TRHDE: variants seen among roughly 807,000 people sequenced by gnomAD.
TRHDE encodes the protein thyrotropin releasing hormone degrading enzyme.
Under a neutral mutation model 125.7 loss-of-function variants are expected in TRHDE, and 72 were observed. The ratio of observed to expected loss-of-function variants is 0.57; its 90% CI spans 0.47 to 0.70. The LOEUF (loss-of-function observed/expected upper bound fraction) is 0.70. Among genes scored for constraint, TRHDE ranks in the 30% least tolerant of loss-of-function variants. The pLI is 0.00. For missense variants in TRHDE, 1,110 were observed against 1,327.1 expected, an observed-to-expected ratio of 0.84 and a Z score of 2.54; for synonymous variants, 509 against 509.1, an observed-to-expected ratio of 1.00 and a Z score of 0.00.
Position 72,152,835 on chromosome 12 carries a change from A to G in TRHDE, n.279+47083A>G, listed in dbSNP as rs530106681. 6.8e-4 allele frequency among the ~76,000 whole-genome samples: 104 copies of G among 152,284 alleles called. 1 individual carries two copies. In the East Asian group the frequency reaches 0.016, roughly 24 times the overall value. ...GAGGATTTTTGCATCAATGTTCATC[A>G]GGGATATTGGTCTAAAATTCTCTTT... On this transcript the variant is annotated intron_variant and non_coding_transcript_variant, in intron 2 of 4. Transcript: ENST00000548156.
rs1165614013 is a variant in TRHDE at position 72,273,714 on chromosome 12, G to A, written c.914+157G>A. ...AGCGGAGTAGGGCAGTCAGAACTCC[G>A]GGGTCTCCCAGATGCCTCGGGGTCT... On this transcript the variant is annotated intron_variant, in intron 1 of 18. Transcript: ENST00000261180. This position sits in a 1 kb window ranked among gnomAD's most constrained non-coding sequence, Gnocchi z 5.3. 3 of 673,248 alleles carry A rather than the reference G, an allele frequency of 4.5e-6. No homozygotes were observed. Among genetic ancestry groups the A allele is most frequent in the Non-Finnish European group, 7.4e-6 (3 of 405,412 alleles). 41.7% of individuals were successfully genotyped at this position (673,248 alleles called of 1,614,324 possible).
intron 2 of TRHDE, among the ~76,000 whole-genome samples, chr12:72,126,208 TA>T (rs1875709798): frequency 6.6e-6 from 1 of 152,046 alleles, no homozygotes; most frequent in Non-Finnish European, 1.5e-5. Context: ...AAAGAAATCA[TA>T]AATGACGCAA....
intron 2 of TRHDE, among the ~76,000 whole-genome samples, chr12:72,290,594 T>C (rs1880050595): frequency 6.6e-6 from 1 of 152,148 alleles, no homozygotes; most frequent in African/African-American, 2.4e-5. Context: ...GGGCCTCAGA[T>C]GGGAAAGCAG....
chr12:72,255,509 T>G (rs1488391564), intron 2 of TRHDE: 1 of 152,286 alleles, frequency 6.6e-6, no homozygotes, highest in East Asian at 1.9e-4. Context: ...TGATTGTGCC[T>G]GCTTCAGTTA....
intron 2 of TRHDE, among the ~76,000 whole-genome samples, chr12:72,140,607 T>C (rs375004004): frequency 1.3e-5 from 2 of 152,240 alleles, no homozygotes; most frequent in East Asian, 1.9e-4. Flanking sequence ...GTTTGCCTTC[T>C]TTTGTCAACA....
chr12:72,513,560 G>A (rs1303750000), intron 6 of TRHDE, among the ~76,000 whole-genome samples: 2 of 152,032 alleles, frequency 1.3e-5, no homozygotes, highest in South Asian at 4.1e-4. Context: ...TATTTCCTAG[G>A]AGAACCAAAA....
Position 72,573,386 on chromosome 12 carries a change from G to A in TRHDE, c.2132-1869G>A, listed in dbSNP as rs186858144. Among the ~76,000 whole-genome samples the A allele has an allele frequency of 3.9e-3, 592 of 151,976 alleles. 2 individuals are homozygous for A. Among genetic ancestry groups the A allele is most frequent in the African/African-American group, 0.013 (540 of 41,526 alleles). On this transcript the variant is annotated intron_variant, in intron 10 of 18. Coordinates refer to ENST00000261180, the MANE Select transcript of TRHDE (RefSeq NM_013381.3). ...TGAAAACTATACAATCATAGTTCTGGAGACTGGATAAATCATTTGCATTTT... is the reference window on the plus strand; with the variant it reads ...TGAAAACTATACAATCATAGTTCTGAAGACTGGATAAATCATTTGCATTTT...
chr12:72,118,827 T>C (rs1302504747), intron 2 of TRHDE, among the ~76,000 whole-genome samples: 1 of 152,182 alleles, frequency 6.6e-6, no homozygotes, highest in African/African-American at 2.4e-5. Flanking sequence ...TCTGACTTAC[T>C]GGCATATAGT....
At chr12:72,586,417 G>A (rs1258844320) in intron 12 of TRHDE, among the ~76,000 whole-genome samples, 2 of 152,146 alleles carry the variant, frequency 1.3e-5, no homozygotes, top group East Asian at 3.9e-4. Context: ...CTTGTGGAAT[G>A]CTTCTAATAT....
chr12:72,152,310 G>T (rs1876387528), intron 2 of TRHDE, among the ~76,000 whole-genome samples: 2 of 151,842 alleles, frequency 1.3e-5, no homozygotes, highest in South Asian at 4.2e-4. Flanking sequence ...AGACGATGGG[G>T]TTTTCTAGAT....
At chr12:72,624,168 G>GA (rs1873164030) in intron 15 of TRHDE, among the ~76,000 whole-genome samples, 1 of 151,926 alleles carries the variant, frequency 6.6e-6, no homozygotes, top group African/African-American at 2.4e-5. Context: ...TTTTTTGGAT[G>GA]ACAGCTTGAT....
chr12:72,546,022 A>G (rs989588068), intron 7 of TRHDE, among the ~76,000 whole-genome samples: 3 of 151,632 alleles, frequency 2.0e-5, no homozygotes, highest in Admixed American at 1.3e-4. Context: ...AGGGAACTCA[A>G]ACAAGGGGAA....
At chr12:72,482,716 C>A (rs1390437258) in intron 5 of TRHDE, among the ~76,000 whole-genome samples, 1 of 151,774 alleles carries the variant, frequency 6.6e-6, no homozygotes, top group South Asian at 2.1e-4. Flanking sequence ...TTATAAGTTT[C>A]CTGATTAAAG....
chr12:72,269,263 T>TAA (rs1407934253), upstream of TRHDE, among the ~76,000 whole-genome samples: 3 of 152,166 alleles, frequency 2.0e-5, no homozygotes. Flanking sequence ...AAGACCTTTG[T>TAA]AACACTGATA....
At chr12:72,616,649 T>C (rs762906152) in intron 12 of TRHDE, among the ~76,000 whole-genome samples, 4 of 152,152 alleles carry the variant, frequency 2.6e-5, no homozygotes, top group Admixed American at 1.3e-4. Flanking sequence ...TAAATTATAA[T>C]TGACATAAAG....
intron 2 of TRHDE, among the ~76,000 whole-genome samples, chr12:72,374,292 AGTGT>A (rs148577049): frequency 0.016 from 2,092 of 133,938 alleles, 22 homozygotes; most frequent in East Asian, 0.026. Context: ...TAGAAGGAGA[AGTGT>A]GTGTGTGTGT....
intron 3 of TRHDE, among the ~76,000 whole-genome samples, chr12:72,427,204 C>T (rs906803032): frequency 2.5e-4 from 38 of 152,012 alleles, no homozygotes; most frequent in Admixed American, 3.9e-4. Flanking sequence ...TTTGCCAACC[C>T]CTGATCTAGA....
At chr12:72,528,694 G>T (rs1868394035) in intron 6 of TRHDE, among the ~76,000 whole-genome samples, 1 of 151,998 alleles carries the variant, frequency 6.6e-6, no homozygotes, top group South Asian at 2.1e-4. Flanking sequence ...TCACCATGTT[G>T]TTCAGGCTGG....
At chr12:72,439,795 G>C (rs1378083122) in intron 3 of TRHDE, among the ~76,000 whole-genome samples, 1 of 151,748 alleles carries the variant, frequency 6.6e-6, no homozygotes, top group Non-Finnish European at 1.5e-5. Context: ...AATAGAAGTG[G>C]TAAGAGGGAG....
Sources: gnomAD v4.1 joint callset for allele counts (sites outside exome capture counted in the v4.1 genomes callset) on GRCh38, gnomAD v4.1.1 for gene constraint, Gnocchi (gnomAD v3.1) non-coding constraint, MANE v1.5 for transcripts, NCBI Gene and HGNC (gene_info 2026-07-23, HGNC 2026-07-21) for gene names.